Variants in NTRK3 observed in about 807,000 individuals in gnomAD.
NTRK3 encodes NT-3 growth factor receptor.
Under a neutral mutation model 91.7 loss-of-function variants are expected in NTRK3, and 24 were observed. The ratio of observed to expected loss-of-function variants is 0.26; its 90% CI spans 0.19 to 0.37. The LOEUF is 0.37. Among genes scored for constraint, NTRK3 ranks in the 10% least tolerant of loss-of-function variants. The pLI, the probability that NTRK3 is intolerant of heterozygous loss-of-function variation, is 1.00. For missense variants in NTRK3, 880 were observed against 1,068.9 expected (o/e 0.82, Z 2.46); for synonymous variants, 483 against 404.0 (o/e 1.20, Z -2.34).
At chr15:88,116,404 G>C (rs1046657456) in intron 13 of NTRK3, among the ~76,000 whole-genome samples, 27 of 151,568 alleles carry the variant, frequency 1.8e-4, no homozygotes, top group South Asian at 8.4e-4. Flanking sequence ...GGCCAACATG[G>C]TGAAACCCCG....
chr15:87,876,757 G>A (rs1217706131), exon 19 of NTRK3: 1 of 557,668 alleles, frequency 1.8e-6, no homozygotes, highest in East Asian at 3.3e-5. Flanking sequence ...CTGCCTTACA[G>A]GGTTTTTTTT....
intron 13 of NTRK3, among the ~76,000 whole-genome samples, chr15:88,076,384 TG>T (rs1329365100): frequency 2.0e-5 from 3 of 152,066 alleles, no homozygotes; most frequent in African/African-American, 7.2e-5. Context: ...GAGATTTGGG[TG>T]GGGAGACAGC....
intron 15 of NTRK3, among the ~76,000 whole-genome samples, 162 bp downstream of exon 15, chr15:87,940,461 T>A (rs1338831087): frequency 6.6e-6 from 1 of 152,178 alleles, no homozygotes; most frequent in Non-Finnish European, 1.5e-5. Context: ...AGGAAGTTGT[T>A]TTGGTCCCTA....
chr15:88,032,739 A>C, intron 14 of NTRK3, 118 bp downstream of exon 14: 1 of 1,126,728 alleles, frequency 8.9e-7, no homozygotes. Context: ...GTCTCTTAGA[A>C]AGTGGGAGGT....
intron 10 of NTRK3, among the ~76,000 whole-genome samples, chr15:88,134,612 A>T (rs2041696156): frequency 6.6e-6 from 1 of 152,148 alleles, no homozygotes; most frequent in Admixed American, 6.5e-5. Context: ...AACTGGACAC[A>T]CTCTCAAGTC....
intron 13 of NTRK3, among the ~76,000 whole-genome samples, chr15:88,043,957 T>A (rs1416264418): frequency 6.6e-6 from 1 of 152,178 alleles, no homozygotes; most frequent in Non-Finnish European, 1.5e-5. Flanking sequence ...CCAGTATTTC[T>A]AAGTACACAT....
In NTRK3 at chr15:87,945,811, A is replaced by C. The variant is rs1468813833; in HGVS notation, c.1586-5058T>G. On this transcript the variant is annotated intron_variant, in intron 14 of 18. Coordinates refer to ENST00000394480, the Ensembl canonical transcript of NTRK3. ...GAAAGAGTGAAGACTGGGAAAAAAA[A>C]AAAAAAAAAAAAAAAAAACAGATCT... is the stretch of plus-strand genomic sequence containing the variant. Among the ~76,000 whole-genome samples, 230 of 151,080 alleles carry C rather than the reference A, an allele frequency of 1.5e-3. 1 individual carries two copies. Among genetic ancestry groups the C allele is most frequent in the African/African-American group, 2.1e-3 (86 of 41,330 alleles).
At chr15:88,249,477 G>A (rs2053150690) in intron 3 of NTRK3, among the ~76,000 whole-genome samples, 1 of 152,170 alleles carries the variant, frequency 6.6e-6, no homozygotes, top group African/African-American at 2.4e-5. Context: ...GCACCTGGGA[G>A]TGTGCCCGGG....
chr15:87,888,099 G>A (rs555906956), intron 17 of NTRK3, among the ~76,000 whole-genome samples: 3 of 152,222 alleles, frequency 2.0e-5, no homozygotes, highest in South Asian at 4.1e-4. Context: ...AAGAGCCCAC[G>A]GCTACCTTGG....
intron 5 of NTRK3, among the ~76,000 whole-genome samples, chr15:88,162,538 C>T (rs1290564119): frequency 2.0e-5 from 3 of 152,098 alleles, no homozygotes; most frequent in Admixed American, 6.6e-5. Context: ...TGGAGGGAAC[C>T]ATCACTGCAG....
intron 14 of NTRK3, among the ~76,000 whole-genome samples, chr15:87,957,542 C>G (rs909058534): frequency 6.6e-6 from 1 of 152,086 alleles, no homozygotes; most frequent in Non-Finnish European, 1.5e-5. Context: ...TGCATAAGAT[C>G]CTATATGGAA....
intron 16 of NTRK3, among the ~76,000 whole-genome samples, chr15:87,932,713 A>G (rs926571356): frequency 2.0e-5 from 3 of 152,224 alleles, no homozygotes; most frequent in African/African-American, 7.2e-5. Flanking sequence ...TGTAAGCCAC[A>G]GGCTGTGGGG....
In NTRK3 at chr15:87,933,984, A is replaced by G. The variant is rs35674418; in HGVS notation, c.1717-800T>C. Among the ~76,000 whole-genome samples the G allele has an allele frequency of 4.9e-3, 752 of 152,330 alleles. 6 individuals carry two copies. The highest frequency in any genetic ancestry group is 0.014 in the Middle Eastern group (4 of 294). ...GTGAGAAAGAGGTGCAAACCAGGCC[A>G]CTTCCTGTAGGGCCCAGGAAGATGA... On this transcript the variant is annotated intron_variant, in intron 15 of 18. Transcript: ENST00000394480.
intron 13 of NTRK3, among the ~76,000 whole-genome samples, chr15:88,100,184 C>A (rs1476261542): frequency 6.6e-6 from 1 of 152,160 alleles, no homozygotes; most frequent in Non-Finnish European, 1.5e-5. Flanking sequence ...TATAAGCTTT[C>A]CTAAGATTCT....
chr15:87,939,838 A>T (rs1339604411), intron 15 of NTRK3, among the ~76,000 whole-genome samples: 1 of 152,222 alleles, frequency 6.6e-6, no homozygotes, highest in African/African-American at 2.4e-5. Flanking sequence ...ATGTTCAAAA[A>T]TTTGTCCAAT....
At position 87,875,196 on chromosome 15, in the gene NTRK3, C is replaced by T. The variant is rs565720922; in HGVS notation, c.*1739G>A. The T allele has an allele frequency of 1.3e-3, 297 of 231,134 alleles. 2 individuals carry two copies. Among genetic ancestry groups the T allele is most frequent in the African/African-American group, 6.2e-3 (281 of 45,338 alleles). The allele number at this position is 231,134 out of a possible 1,614,324, so 14.3% of individuals were successfully genotyped here. Reference sequence around the variant, plus strand: ...AGGGAAAAGGGTAGGCCAGAGGCCCCCGGGAGGTGAGCTCCAGTGTGGCAA... The same window carrying T: ...AGGGAAAAGGGTAGGCCAGAGGCCCTCGGGAGGTGAGCTCCAGTGTGGCAA... On this transcript the variant is annotated 3_prime_UTR_variant, in exon 19 of 19. Coordinates refer to ENST00000394480, the Ensembl canonical transcript of NTRK3.
At chr15:88,211,135 C>G (rs942363209) in intron 3 of NTRK3, among the ~76,000 whole-genome samples, 6 of 152,216 alleles carry the variant, frequency 3.9e-5, no homozygotes, top group African/African-American at 1.4e-4. Flanking sequence ...AAAGCATTGT[C>G]ATCACCCCCC....
rs1233920863 is a variant in NTRK3, at chr15:88,233,551, A to T, written c.248+22355T>A. ...CCCAGCTGCAGAGACTCCCCCAAGGACTTCCTAGTTGCCACAGGCCTCCTT... is the reference window on the plus strand; with the variant it reads ...CCCAGCTGCAGAGACTCCCCCAAGGTCTTCCTAGTTGCCACAGGCCTCCTT... On this transcript the variant is annotated intron_variant, in intron 3 of 18. Coordinates refer to ENST00000394480, the Ensembl canonical transcript of NTRK3. The surrounding 1 kb of genome is among the most constrained non-coding windows in gnomAD (Gnocchi z 4.2). Among the ~76,000 whole-genome samples the T allele has an allele frequency of 6.6e-6, 1 of 152,036 alleles. No individual in the cohort carries two copies. Among genetic ancestry groups the T allele is most frequent in the Non-Finnish European group, 1.5e-5 (1 of 67,988 alleles).
chr15:87,957,145 C>A (rs980735424), intron 14 of NTRK3, among the ~76,000 whole-genome samples: 3 of 151,172 alleles, frequency 2.0e-5, no homozygotes, highest in Non-Finnish European at 4.4e-5. Context: ...CATTTCTGGT[C>A]CTCAGTTTCC....
Sources: gnomAD v4.1 joint callset for allele counts (sites outside exome capture counted in the v4.1 genomes callset) on GRCh38, gnomAD v4.1.1 for gene constraint, Gnocchi (gnomAD v3.1) non-coding constraint, MANE v1.5 for transcripts, NCBI Gene and HGNC (gene_info 2026-07-23, HGNC 2026-07-21) for gene names.